The following BCL2L13 variants were observed in gnomAD, a reference collection of about 807,000 sequenced individuals.
BCL2L13 encodes the protein BCL2 like 13.
BCL2L13 carries 13 observed loss-of-function variants against 25.8 expected under a neutral mutation model. The observed-to-expected ratio is 0.50, with a 90% CI of 0.33 to 0.80. The LOEUF (loss-of-function observed/expected upper bound fraction) is 0.80, where lower values mean the gene tolerates loss of function less well. BCL2L13 is among the 30% of genes least tolerant of loss of function. The pLI is 0.02. For synonymous variants in BCL2L13, 244 were observed against 230.3 expected, an observed-to-expected ratio of 1.06 and a Z score of -0.54; for missense variants, 504 against 574.9, an observed-to-expected ratio of 0.88 and a Z score of 1.26.
At chr22:17,686,160 A>G (rs2059931730) in intron 3 of BCL2L13, among the ~76,000 whole-genome samples, 1 of 152,110 alleles carries the variant, frequency 6.6e-6, no homozygotes, top group Admixed American at 6.6e-5. Context: ...ATAGAAATGT[A>G]CAAATAATCC....
At chr22:17,703,714 C>G (rs1366708681) in intron 6 of BCL2L13, 1 of 152,092 alleles carries the variant, frequency 6.6e-6, no homozygotes, top group African/African-American at 2.4e-5. Flanking sequence ...GAATAAAATC[C>G]TGAACATTTG....
In BCL2L13 at chr22:17,727,499, GCCAT is replaced by G; in HGVS notation, c.1425_1428del (p.Ile476GlyfsTer2). ...TGCTGCTGTTGCCATCCTGGCAGTGGCCATCGGGGTAGCCCTGGCTCTGAGAAAG... is the reference window on the plus strand; with the variant it reads ...TGCTGCTGTTGCCATCCTGGCAGTGGCGGGGTAGCCCTGGCTCTGAGAAAG... On this transcript the variant is annotated frameshift_variant, in exon 7 of 7. Coordinates refer to ENST00000317582, the MANE Select transcript of BCL2L13 (RefSeq NM_015367.4). LOFTEE classifies it high-confidence loss of function. The G allele has an allele frequency of 6.2e-7, 1 of 1,614,232 alleles. No individual in the cohort carries two copies. The highest frequency in any genetic ancestry group is 8.5e-7 in the Non-Finnish European group (1 of 1,180,052).
intron 2 of BCL2L13, among the ~76,000 whole-genome samples, chr22:17,673,932 C>CT (rs2059496212): frequency 1.3e-5 from 2 of 152,048 alleles, no homozygotes; most frequent in African/African-American, 4.8e-5. Flanking sequence ...CGTTGTAACT[C>CT]TAAGTTTTTA....
chr22:17,687,621 ATTCTCCTGCCTCAGCCTCTC>A (rs1228821660), intron 3 of BCL2L13, among the ~76,000 whole-genome samples: 2 of 151,994 alleles, frequency 1.3e-5, no homozygotes. Flanking sequence ...GGTTCACACC[ATTCTCCTGCCTCAGCCTCTC>A]AAGTAGCTGG....
intron 6 of BCL2L13, among the ~76,000 whole-genome samples, chr22:17,708,893 G>A (rs1278189343): frequency 2.0e-5 from 3 of 152,066 alleles, no homozygotes; most frequent in South Asian, 4.1e-4. Context: ...ATCCAAAACA[G>A]CTCTTTTTCT....
intron 1 of BCL2L13, among the ~76,000 whole-genome samples, chr22:17,653,151 A>G (rs1225202681): frequency 6.6e-6 from 1 of 152,174 alleles, no homozygotes; most frequent in African/African-American, 2.4e-5. Context: ...CTGCCATCAT[A>G]AAGTGAAAAA....
chr22:17,672,321 C>A (rs1294122501), intron 2 of BCL2L13, among the ~76,000 whole-genome samples: 3 of 152,110 alleles, frequency 2.0e-5, no homozygotes, highest in African/African-American at 7.2e-5. Context: ...CCATAGATTT[C>A]GAAAGTATTT....
chr22:17,672,163 G>A (rs1187686534), intron 2 of BCL2L13, among the ~76,000 whole-genome samples: 1 of 152,172 alleles, frequency 6.6e-6, no homozygotes, highest in African/African-American at 2.4e-5. Flanking sequence ...GAGTGTTATC[G>A]CAAGGCTAAT....
At chr22:17,715,931 C>T (rs2060934355) in intron 6 of BCL2L13, among the ~76,000 whole-genome samples, 1 of 152,182 alleles carries the variant, frequency 6.6e-6, no homozygotes, top group Non-Finnish European at 1.5e-5. Context: ...GCTTTTATAT[C>T]AAAGATGGGA....
intron 4 of BCL2L13, among the ~76,000 whole-genome samples, chr22:17,692,721 T>A (rs768198749): frequency 2.6e-4 from 40 of 152,362 alleles, no homozygotes; most frequent in Middle Eastern, 3.4e-3. Context: ...GATGCCTGTG[T>A]CATCAGGATT....
At chr22:17,661,293 G>C (rs2059058118) in intron 2 of BCL2L13, among the ~76,000 whole-genome samples, 1 of 144,200 alleles carries the variant, frequency 6.9e-6, no homozygotes, top group African/African-American at 2.5e-5. Context: ...GGGTTTCACT[G>C]TCTTGGCCAG....
chr22:17,666,219 T>TA (rs1568946655), intron 2 of BCL2L13, among the ~76,000 whole-genome samples: 2 of 151,110 alleles, frequency 1.3e-5, no homozygotes, highest in African/African-American at 4.9e-5. Flanking sequence ...TTTTATTTTT[T>TA]TAAATTTTTT....
intron 1 of BCL2L13, among the ~76,000 whole-genome samples, chr22:17,640,229 T>G (rs67888991): frequency 0.13 from 19,058 of 152,184 alleles, 1,613 homozygotes; most frequent in Non-Finnish European, 0.19. Context: ...CTCCCCCAAG[T>G]GAAGTATTCT....
In BCL2L13 at chr22:17,690,815, A is replaced by G. The variant is rs554048036; in HGVS notation, c.386+1673A>G. ...TATTTGGATTTTCTTAACCTAATAT[A>G]TAGTAAAATTTAAATATAAATATGG... On this transcript the variant is annotated intron_variant, in intron 4 of 6. Transcript: ENST00000317582. Among the ~76,000 whole-genome samples, 6 of 152,298 alleles carry G rather than the reference A, an allele frequency of 3.9e-5. No individual in the cohort carries two copies. In the East Asian group the frequency reaches 1.2e-3, roughly 29 times the overall value.
intron 1 of BCL2L13, among the ~76,000 whole-genome samples, chr22:17,644,377 CTG>C (rs2058398489): frequency 6.8e-6 from 1 of 148,106 alleles, no homozygotes; most frequent in Non-Finnish European, 1.5e-5. Flanking sequence ...TGTCACAAGG[CTG>C]AAGTGCAGTG....
intron 2 of BCL2L13, among the ~76,000 whole-genome samples, chr22:17,663,683 C>CTTTTTTTTTTTTTTTTTTTTTTTTTCTTT (rs61709181): frequency 2.8e-5 from 3 of 107,482 alleles, no homozygotes; most frequent in South Asian, 3.0e-4. Flanking sequence ...TACATTTTTC[C>CTTTTTTTTTTTTTTTTTTTTTTTTTCTTT]TTTTTTTTTT....
rs1569008098 is a variant in BCL2L13, at chr22:17,715,160, A to T, written c.601-11517A>T. Among the ~76,000 whole-genome samples, 10 of 5,224 alleles carry T rather than the reference A, an allele frequency of 1.9e-3. 2 individuals are homozygous for T. The highest frequency in any genetic ancestry group is 0.013 in the South Asian group (1 of 76). The allele number at this position is 5,224 out of a possible 152,430, so 3.4% of individuals were successfully genotyped here. On this transcript the variant is annotated intron_variant, in intron 6 of 6. Transcript: ENST00000317582. ...TATATATATATATATATATATATATATATATATATATTTTTTTTTTTTTTT... is the reference window on the plus strand; with the variant it reads ...TATATATATATATATATATATATATTTATATATATATTTTTTTTTTTTTTT...
At chr22:17,672,701 A>T (rs1184132117) in intron 2 of BCL2L13, among the ~76,000 whole-genome samples, 1 of 152,214 alleles carries the variant, frequency 6.6e-6, no homozygotes, top group African/African-American at 2.4e-5. Flanking sequence ...CACATGGTTT[A>T]TTATGAAGTA....
rs570216616 is a variant in BCL2L13 at position 17,706,455 on chromosome 22, T to A, written c.600+4069T>A. 1.3e-3 allele frequency among the ~76,000 whole-genome samples: 203 copies of A among 152,300 alleles called. 1 individual carries two copies. The highest frequency in any genetic ancestry group is 4.7e-3 in the African/African-American group (197 of 41,566). On this transcript the variant is annotated intron_variant, in intron 6 of 6. Coordinates refer to ENST00000317582, the MANE Select transcript of BCL2L13 (RefSeq NM_015367.4). The stretch of plus-strand genomic sequence containing the variant: ...TACTAGCCCTGTGTTTTGGAAGGAT[T>A]CATTTAACTTCTCTGAACCTCAGTT...
Sources: gnomAD v4.1 joint callset for allele counts (sites outside exome capture counted in the v4.1 genomes callset) on GRCh38, gnomAD v4.1.1 for gene constraint, MANE v1.5 for transcripts, NCBI Gene and HGNC (gene_info 2026-07-23, HGNC 2026-07-21) for gene names.